The following EYS variants were observed in gnomAD, a reference collection of about 807,000 sequenced individuals.
The protein encoded by EYS is protein eyes shut homolog.
Under a neutral mutation model 282.1 loss-of-function variants are expected in EYS, and 250 were observed. That is an observed-to-expected ratio of 0.89 (90% CI 0.80 to 0.98). The LOEUF is 0.98. EYS is among the 50% of genes least tolerant of loss of function. The probability of loss-of-function intolerance (pLI) is 0.00; values close to 1 mark genes in which losing one functional copy is unlikely to be tolerated. For missense variants in EYS, 4,016 were observed against 3,709.0 expected (o/e 1.08, Z -2.15); for synonymous variants, 1,355 against 1,282.9 (o/e 1.06, Z -1.20).
At position 64,996,763 on chromosome 6, in the gene EYS, C is replaced by T. The variant is rs188320323; in HGVS notation, c.2259+819G>A. On this transcript the variant is annotated intron_variant, in intron 14 of 42. Coordinates refer to ENST00000503581, the MANE Select transcript of EYS (RefSeq NM_001142800.2). ...TTCTATTGTAAAAACAATGTCAGTG[C>T]ACTGACAGTCAAAATATGTGGTGGC... 4.3e-3 allele frequency among the ~76,000 whole-genome samples: 653 copies of T among 152,266 alleles called. 5 individuals carry two copies. Among genetic ancestry groups the T allele is most frequent in the Non-Finnish European group, 7.1e-3 (484 of 68,018 alleles).
chr6:65,474,886 G>A (rs779749304), intron 5 of EYS, among the ~76,000 whole-genome samples: 13 of 152,046 alleles, frequency 8.6e-5, no homozygotes, highest in Non-Finnish European at 1.8e-4. Context: ...AACGACAGAG[G>A]AGGAAAAGTT....
intron 2 of EYS, among the ~76,000 whole-genome samples, chr6:65,524,535 G>A (rs972488824): frequency 2.0e-5 from 3 of 152,114 alleles, no homozygotes; most frequent in South Asian, 2.1e-4. Context: ...CCTTCAAGAT[G>A]TTGCCACCTA....
chr6:64,353,133 G>C (rs1771702029), intron 29 of EYS, among the ~76,000 whole-genome samples: 1 of 151,384 alleles, frequency 6.6e-6, no homozygotes, highest in African/African-American at 2.4e-5. Context: ...ATGAATATAG[G>C]AACACAGAAT....
At chr6:65,620,292 T>G (rs1475517915) in intron 2 of EYS, among the ~76,000 whole-genome samples, 2 of 152,210 alleles carry the variant, frequency 1.3e-5, no homozygotes, top group African/African-American at 4.8e-5. Context: ...GGAGGGTGTA[T>G]GTGTCGAGGA....
At chr6:64,715,686 C>G (rs930451692) in intron 22 of EYS, among the ~76,000 whole-genome samples, 2 of 152,182 alleles carry the variant, frequency 1.3e-5, no homozygotes, top group African/African-American at 2.4e-5. Context: ...GGCTCAGTCT[C>G]TTTCAAAATC....
intron 1 of EYS, among the ~76,000 whole-genome samples, chr6:65,703,043 G>T (rs917750156): frequency 1.8e-4 from 28 of 152,064 alleles, no homozygotes; most frequent in African/African-American, 6.8e-4. Context: ...AAAAAGAAAA[G>T]CATTCAGCCT....
At chr6:65,630,776 T>C (rs111478814) in intron 2 of EYS, among the ~76,000 whole-genome samples, 4 of 152,298 alleles carry the variant, frequency 2.6e-5, no homozygotes, top group African/African-American at 4.8e-5. Flanking sequence ...ATAGTACTTG[T>C]CTAAAATAGT....
At chr6:64,617,631 A>G (rs1450420578) in intron 23 of EYS, 98 bp from the exon 24 acceptor site, 1 of 711,282 alleles carries the variant, frequency 1.4e-6, no homozygotes, top group Non-Finnish European at 2.4e-6. Context: ...TATTTGAAAT[A>G]ATTATGCTAG....
At chr6:64,379,135 A>G (rs1285268411) in intron 29 of EYS, among the ~76,000 whole-genome samples, 1 of 152,114 alleles carries the variant, frequency 6.6e-6, no homozygotes, top group African/African-American at 2.4e-5. Context: ...TAAATTTTAC[A>G]TTATGATTTT....
intron 26 of EYS, among the ~76,000 whole-genome samples, chr6:64,470,268 C>T (rs1281073856): frequency 6.6e-6 from 1 of 151,968 alleles, no homozygotes; most frequent in Non-Finnish European, 1.5e-5. Flanking sequence ...GGGGCTGGAC[C>T]CTACACTAGG....
chr6:65,004,254 T>G (rs1001257976), intron 13 of EYS, among the ~76,000 whole-genome samples: 5 of 147,644 alleles, frequency 3.4e-5, no homozygotes, highest in African/African-American at 1.2e-4. Flanking sequence ...GATTTCCTCA[T>G]TCGCTGCACT....
At chr6:63,795,979 T>C (rs983431726) in intron 37 of EYS, among the ~76,000 whole-genome samples, 6 of 152,084 alleles carry the variant, frequency 3.9e-5, no homozygotes, top group African/African-American at 1.4e-4. Context: ...TTAGAAGTGG[T>C]CTAATTAGTT....
Position 64,962,666 on chromosome 6 carries a change from T to G in EYS, c.2260-16752A>C, listed in dbSNP as rs553509874. 2.0e-5 allele frequency among the ~76,000 whole-genome samples: 3 copies of G among 152,154 alleles called. No homozygotes were observed. The East Asian group carries it at 5.8e-4, about 30-fold the overall frequency. The stretch of plus-strand genomic sequence containing the variant: ...GAGGGGCTGAGGCTTGAGGGACGCT[T>G]GAGCCCAGGAGTTTGAGGCTGCAAT... On this transcript the variant is annotated intron_variant, in intron 14 of 42. Coordinates refer to ENST00000503581, the MANE Select transcript of EYS (RefSeq NM_001142800.2).
chr6:65,585,566 C>T (rs535144884), intron 2 of EYS, among the ~76,000 whole-genome samples: 2 of 151,842 alleles, frequency 1.3e-5, no homozygotes, highest in South Asian at 4.2e-4. Context: ...TAATACAATG[C>T]AATTCAGTAT....
chr6:63,932,250 T>G (rs1209379823), intron 35 of EYS, among the ~76,000 whole-genome samples: 1 of 152,238 alleles, frequency 6.6e-6, no homozygotes, highest in Admixed American at 6.5e-5. Context: ...ACTTTTAGCT[T>G]GATTTTTTAT....
At chr6:64,669,363 A>AAG (rs923941823) in intron 22 of EYS, among the ~76,000 whole-genome samples, 2 of 152,176 alleles carry the variant, frequency 1.3e-5, no homozygotes, top group South Asian at 4.2e-4. Flanking sequence ...TGATGCAAAA[A>AAG]AGAGAGAGAG....
intron 24 of EYS, among the ~76,000 whole-genome samples, chr6:64,604,612 G>A (rs1021531246): frequency 6.6e-6 from 1 of 151,924 alleles, no homozygotes; most frequent in Admixed American, 6.6e-5. Flanking sequence ...TTTCCTTATT[G>A]AATTTGGCTA....
At chr6:64,042,594 A>G (rs1582189104) in intron 33 of EYS, among the ~76,000 whole-genome samples, 1 of 152,208 alleles carries the variant, frequency 6.6e-6, no homozygotes, top group Non-Finnish European at 1.5e-5. Context: ...CATTTTGTGC[A>G]CACACTTCCC....
chr6:64,261,519 GAA>G (rs1306650667), intron 30 of EYS, among the ~76,000 whole-genome samples: 6 of 151,950 alleles, frequency 3.9e-5, no homozygotes, highest in Non-Finnish European at 8.8e-5. Flanking sequence ...AAATAGTAAC[GAA>G]AAGTTTTCTC....
Sources: allele counts gnomAD v4.1 joint callset (sites outside exome capture counted in the v4.1 genomes callset), GRCh38; gene constraint gnomAD v4.1.1; transcripts MANE v1.5; gene names NCBI Gene and HGNC (gene_info 2026-07-23, HGNC 2026-07-21).